RPL6: variants seen among roughly 807,000 people sequenced by gnomAD.
RPL6 encodes the protein large ribosomal subunit protein eL6.
RPL6 carries 1 observed loss-of-function variant against 32.1 expected under a neutral mutation model. That is an observed-to-expected ratio of 0.03 (90% CI 0.01 to 0.15). The LOEUF (loss-of-function observed/expected upper bound fraction) is 0.15, where lower values mean the gene tolerates loss of function less well. Among genes scored for constraint, RPL6 ranks in the 10% least tolerant of loss-of-function variants. The probability of loss-of-function intolerance (pLI) is 1.00; values close to 1 mark genes in which losing one functional copy is unlikely to be tolerated. For missense variants in RPL6, 275 were observed against 354.6 expected (o/e 0.78, Z 1.80); for synonymous variants, 126 against 131.6 (o/e 0.96, Z 0.29).
chr12:112,408,197 C>T (rs753853180), intron 3 of RPL6, 43 bp downstream of exon 3: 10 of 1,401,562 alleles, frequency 7.1e-6, no homozygotes, highest in Non-Finnish European at 6.0e-6. Context: ...TCACAGTATT[C>T]AAGCATAAAC....
intron 6 of RPL6, 99 bp from the exon 7 acceptor site, chr12:112,405,475 A>G (rs1200071736): frequency 1.7e-6 from 2 of 1,201,098 alleles, no homozygotes; most frequent in Admixed American, 5.2e-5. Flanking sequence ...ATCCCCAAGA[A>G]TATTTAGAAA....
At chr12:112,405,784 A>C in intron 6 of RPL6, 69 bp downstream of exon 6, 1 of 1,273,864 alleles carries the variant, frequency 7.9e-7, no homozygotes, top group South Asian at 1.5e-5. Context: ...CTTTTTGTGC[A>C]ACCTGTTTCT....
chr12:112,412,159 C>T (rs1277629207), upstream of RPL6, among the ~76,000 whole-genome samples: 1 of 152,130 alleles, frequency 6.6e-6, no homozygotes, highest in Non-Finnish European at 1.5e-5. Context: ...CCTGCCTCAG[C>T]CTCCCGAGTA....
intron 1 of RPL6, 160 bp from the exon 2 acceptor site, chr12:112,408,816 A>T: frequency 3.1e-6 from 2 of 640,240 alleles, no homozygotes; most frequent in Non-Finnish European, 2.7e-6. Context: ...ATTCTACTCC[A>T]ACCTTCACTA....
upstream of RPL6, among the ~76,000 whole-genome samples, chr12:112,409,805 G>A (rs955801465): frequency 7.4e-5 from 11 of 148,870 alleles, no homozygotes; most frequent in African/African-American, 2.7e-4. Context: ...GAGGTTGGCA[G>A]TTCGAGACCA....
chr12:112,406,046 G>A lies in RPL6; in HGVS notation c.530-9C>T, dbSNP rs757470826. On this transcript the variant is annotated splice_polypyrimidine_tract_variant and intron_variant, in intron 5 of 6. Transcript: ENST00000202773. ...ATTGAGGACCAGAGGTCCTAAGGGGGAAAAATTAATTTAGCAAGGAAAAGG... is the reference window on the plus strand; with the variant it reads ...ATTGAGGACCAGAGGTCCTAAGGGGAAAAAATTAATTTAGCAAGGAAAAGG... The A allele has an allele frequency of 2.5e-6, 4 of 1,594,586 alleles. No individual in the cohort carries two copies. Among genetic ancestry groups the A allele is most frequent in the South Asian group, 1.1e-5 (1 of 88,870 alleles).
At chr12:112,410,386 C>A, upstream of RPL6, 1 of 246,638 alleles carries the variant, frequency 4.1e-6, no homozygotes. Flanking sequence ...TCCGGCCTGG[C>A]CTACAGAATG....
At chr12:112,412,472 G>A (rs1210152782), upstream of RPL6, among the ~76,000 whole-genome samples, 2 of 150,982 alleles carry the variant, frequency 1.3e-5, no homozygotes, top group Non-Finnish European at 3.0e-5. Flanking sequence ...ACCTCGCCCA[G>A]CCTAATTTTT....
upstream of RPL6, among the ~76,000 whole-genome samples, chr12:112,413,774 C>T (rs541792591): frequency 6.6e-6 from 1 of 151,638 alleles, no homozygotes; most frequent in South Asian, 2.1e-4. Flanking sequence ...GCCTGTAATC[C>T]TAGCACTTTG....
Position 112,406,727 on chromosome 12 carries a change from C to T in RPL6, c.480+20G>A, listed in dbSNP as rs373218654. 12 of 1,613,370 alleles carry T rather than the reference C, an allele frequency of 7.4e-6. No homozygotes were observed. In the African/African-American group the frequency reaches 1.5e-4, roughly 20 times the overall value. ...CCCCAGGCAGCTGCAGTGAAGCGCC[C>T]CAAGCACAGGTACTCTCACCTTGCC... is the stretch of plus-strand genomic sequence containing the variant. On this transcript the variant is annotated intron_variant, in intron 4 of 6. Coordinates refer to ENST00000202773, the MANE Select transcript of RPL6 (RefSeq NM_000970.6).
upstream of RPL6, among the ~76,000 whole-genome samples, chr12:112,413,108 G>A (rs928068626): frequency 2.0e-5 from 3 of 152,098 alleles, no homozygotes; most frequent in Non-Finnish European, 4.4e-5. Context: ...ATGCATCAAG[G>A]AACAGAGAAA....
intron 1 of RPL6, chr12:112,409,059 T>C: frequency 8.4e-6 from 2 of 238,050 alleles, no homozygotes; most frequent in Non-Finnish European, 1.6e-5. Flanking sequence ...CCTTTCGTCT[T>C]AACCCTTAAG....
chr12:112,407,564 T>C (rs2037209731), intron 3 of RPL6: 1 of 153,014 alleles, frequency 6.5e-6, no homozygotes, highest in African/African-American at 2.4e-5. Flanking sequence ...CTGTATGGTG[T>C]TAACTTATTT....
rs760182449 is a variant in RPL6 at position 112,415,873 on chromosome 12, CT to C, written c.-229+2854del. Among the ~76,000 whole-genome samples, 1,127 of 126,840 alleles carry C rather than the reference CT, an allele frequency of 8.9e-3. 8 individuals carry two copies. The highest frequency in any genetic ancestry group is 0.02 in the African/African-American group (704 of 34,718). The allele number at this position is 126,840 out of a possible 152,430, so 83.2% of individuals were successfully genotyped here. A position where few individuals can be genotyped will look rare whatever the true frequency, so the allele number is the denominator to read the frequency against. ...AGCCACCACATCCAGGGGGATAAAC[CT>C]TTTTTTTTTTTTTTTGGACTTCATT... On this transcript the variant is annotated intron_variant, in intron 1 of 5. Transcript: ENST00000551291.
chr12:112,418,631 G>C (rs1429340426), intron 1 of RPL6: 1 of 278,470 alleles, frequency 3.6e-6, no homozygotes. Context: ...CACAGCTAAT[G>C]AGTGGAGCGG....
intron 3 of RPL6, chr12:112,407,284 C>G: frequency 6.1e-6 from 1 of 164,318 alleles, no homozygotes; most frequent in Non-Finnish European, 1.3e-5. Context: ...ATCCTCACAG[C>G]AACAAGTCTT....
chr12:112,411,367 A>AT (rs1434682324), upstream of RPL6: 3 of 151,886 alleles, frequency 2.0e-5, no homozygotes, highest in South Asian at 2.1e-4. Flanking sequence ...TTTCACCTTG[A>AT]TTTTTTCAGA....
rs773918984 is a variant in RPL6 at position 112,408,491 on chromosome 12, T to A, written c.166A>T (p.Arg56Trp). The change falls in exon 2 of 7, where the codon AGG becomes TGG. Residue 56 changes from arginine to tryptophan, a missense_variant. Coordinates refer to ENST00000202773, the MANE Select transcript of RPL6 (RefSeq NM_000970.6). ...GAATACATGGCAGATCGGGAATACC[T>A]GCCAATTCCTCTGACAAGGACAGGG... The part of the protein sequence containing the change: ...RNPVLVRGIG[R>W]YSRSAMYSRK... 1 of 1,613,934 alleles carries A rather than the reference T, an allele frequency of 6.2e-7. No homozygotes were observed. Among genetic ancestry groups the A allele is most frequent in the African/African-American group, 1.3e-5 (1 of 74,936 alleles).
upstream of RPL6, among the ~76,000 whole-genome samples, chr12:112,412,093 G>A (rs1297058839): frequency 2.0e-5 from 3 of 151,654 alleles, no homozygotes; most frequent in South Asian, 4.2e-4. Context: ...AGGCTGGAGC[G>A]CGGTGGCATG....
Sources: allele counts gnomAD v4.1 joint callset (sites outside exome capture counted in the v4.1 genomes callset), GRCh38; gene constraint gnomAD v4.1.1; transcripts MANE v1.5; gene names NCBI Gene and HGNC (gene_info 2026-07-23, HGNC 2026-07-21).